The following PSCA variants were observed in gnomAD, a reference collection of about 807,000 sequenced individuals.
PSCA encodes the protein prostate stem cell antigen.
In PSCA, 7 loss-of-function variants were observed where a neutral mutation model predicts 7.9. The ratio of observed to expected loss-of-function variants is 0.89; its 90% CI spans 0.51 to 1.67. The LOEUF (loss-of-function observed/expected upper bound fraction) is 1.67, where lower values mean the gene tolerates loss of function less well. Among genes scored for constraint, PSCA ranks in the 40% most tolerant of loss-of-function variants. The probability of loss-of-function intolerance (pLI) is 0.00; values close to 1 mark genes in which losing one functional copy is unlikely to be tolerated. For missense variants in PSCA, 151 were observed against 147.9 expected (o/e 1.02, Z -0.11); for synonymous variants, 61 against 68.3 (o/e 0.89, Z 0.53).
rs1217127577 is a variant in PSCA at position 142,673,791 on chromosome 8, G to A, written n.261+3223G>A. On this transcript the variant is annotated intron_variant and non_coding_transcript_variant, in intron 1 of 1. Transcript: ENST00000505305. The surrounding 1 kb of genome is among the most constrained non-coding windows in gnomAD (Gnocchi z 4.6). The stretch of plus-strand genomic sequence containing the variant: ...TAGAGCCATCCATCAGTCATTAGAC[G>A]TGCAAAAACCTGAAACGACATCTCA... 3.9e-5 allele frequency among the ~76,000 whole-genome samples: 6 copies of A among 152,338 alleles called. No homozygotes were observed. Among genetic ancestry groups the A allele is most frequent in the Admixed American group, 6.5e-5 (1 of 15,302 alleles).
At position 142,680,531 on chromosome 8, in the gene PSCA, C is replaced by T; in HGVS notation, c.-8C>T. On this transcript the variant is annotated 5_prime_UTR_variant, in exon 1 of 3. Transcript: ENST00000301258. ...GTGACCACGAAGGCTGTGCTGCTTG[C>T]CCTGTTGATGGCAGGCTTGGCCCTG... 2 of 1,554,154 alleles carry T rather than the reference C, an allele frequency of 1.3e-6. No individual in the cohort carries two copies. Among genetic ancestry groups the T allele is most frequent in the East Asian group, 2.4e-5 (1 of 41,238 alleles).
In PSCA at chr8:142,673,165, C is replaced by T. The variant is rs1484265969; in HGVS notation, n.261+2597C>T. 6.6e-6 allele frequency among the ~76,000 whole-genome samples: 1 copy of T among 152,232 alleles called. No homozygotes were observed. Among genetic ancestry groups the T allele is most frequent in the Non-Finnish European group, 1.5e-5 (1 of 68,034 alleles). On this transcript the variant is annotated intron_variant and non_coding_transcript_variant, in intron 1 of 1. Coordinates refer to the PSCA transcript ENST00000505305. This position sits in a 1 kb window ranked among gnomAD's most constrained non-coding sequence, Gnocchi z 4.6. ...AGAAAATGATTTGGAGCCTGCTTTT[C>T]ATTAAAAGGAAAACCTTACTGAGGA... is the stretch of plus-strand genomic sequence containing the variant.
upstream of PSCA, chr8:142,680,273 T>C (rs587594532): frequency 2.5e-5 from 13 of 528,784 alleles, no homozygotes; most frequent in Non-Finnish European, 4.1e-5. Context: ...GTTTCAGCCC[T>C]CAGCCCGGGG....
At chr8:142,675,972 T>G (rs1847396310), upstream of PSCA, 1 of 152,250 alleles carries the variant, frequency 6.6e-6, no homozygotes, top group Admixed American at 6.5e-5. Flanking sequence ...CACAGGGATG[T>G]GTGTTCCAGC....
At chr8:142,672,793 C>G (rs1406286001) in intron 1 of PSCA, among the ~76,000 whole-genome samples, 1 of 152,164 alleles carries the variant, frequency 6.6e-6, no homozygotes, top group Non-Finnish European at 1.5e-5. Flanking sequence ...TGCAGCAGAC[C>G]CCAGCAGATT....
At chr8:142,671,221 G>A (rs1302750628) in intron 1 of PSCA, among the ~76,000 whole-genome samples, 4 of 152,216 alleles carry the variant, frequency 2.6e-5, no homozygotes, top group Admixed American at 2.6e-4. Flanking sequence ...CCAAGTGAGA[G>A]GACAATGGGA....
At chr8:142,671,941 G>T (rs914289624) in intron 1 of PSCA, among the ~76,000 whole-genome samples, 1 of 151,948 alleles carries the variant, frequency 6.6e-6, no homozygotes, top group Non-Finnish European at 1.5e-5. Context: ...CCATTCTTTG[G>T]CTCTTTTTGT....
upstream of PSCA, among the ~76,000 whole-genome samples, chr8:142,678,476 A>C (rs1156748331): frequency 3.3e-5 from 5 of 152,242 alleles, no homozygotes; most frequent in Non-Finnish European, 7.3e-5. Context: ...AGCAGCGGCC[A>C]CAAGTCCCCC....
chr8:142,676,735 C>T (rs1457271411), upstream of PSCA: 2 of 152,224 alleles, frequency 1.3e-5, no homozygotes, highest in Non-Finnish European at 2.9e-5. Context: ...TGGCAAGATA[C>T]AGCCGATTTA....
At chr8:142,677,583 G>A (rs997664593), upstream of PSCA, among the ~76,000 whole-genome samples, 3 of 152,230 alleles carry the variant, frequency 2.0e-5, no homozygotes, top group South Asian at 2.1e-4. Flanking sequence ...CGTCTTGTGC[G>A]GGAGTGGCCA....
At position 142,682,006 on chromosome 8, in the gene PSCA, G is replaced by A. The variant is rs1554638425; in HGVS notation, c.219G>A (p.Lys73=). 1 of 1,613,004 alleles carries A rather than the reference G, an allele frequency of 6.2e-7. No homozygotes were observed. The highest frequency in any genetic ancestry group is 8.5e-7 in the Non-Finnish European group (1 of 1,179,642). The stretch of plus-strand genomic sequence containing the variant: ...CACAGGACTACTACGTGGGCAAGAA[G>A]AACATCACGTGCTGTGACACCGACT... The part of the protein sequence containing the change: ...DDSQDYYVGK[K]NITCCDTDLC... Residue 73 remains lysine (K), a synonymous_variant, in exon 3 of 3, where the codon AAG becomes AAA. Transcript: ENST00000301258.
At chr8:142,675,049 C>A (rs1847383559) in intron 1 of PSCA, among the ~76,000 whole-genome samples, 1 of 152,260 alleles carries the variant, frequency 6.6e-6, no homozygotes, top group South Asian at 2.1e-4. Flanking sequence ...GTGCCGGAGG[C>A]CTCAGGTTGG....
intron 1 of PSCA, among the ~76,000 whole-genome samples, chr8:142,672,654 C>T (rs1554637482): frequency 6.6e-6 from 1 of 152,156 alleles, no homozygotes; most frequent in Non-Finnish European, 1.5e-5. Context: ...CATTGTCTCA[C>T]ACCAAGAAGA....
chr8:142,673,988 A>T lies in PSCA; in HGVS notation n.261+3420A>T, dbSNP rs1438161453. Among the ~76,000 whole-genome samples, 1 of 150,014 alleles carries T rather than the reference A, an allele frequency of 6.7e-6. No individual in the cohort carries two copies. Among genetic ancestry groups the T allele is most frequent in the Admixed American group, 6.6e-5 (1 of 15,120 alleles). On this transcript the variant is annotated intron_variant and non_coding_transcript_variant, in intron 1 of 1. Coordinates refer to the PSCA transcript ENST00000505305. The surrounding 1 kb of genome is among the most constrained non-coding windows in gnomAD (Gnocchi z 4.6). Reference sequence around the variant, plus strand: ...AACGGCTGGGAATCGTTTCAGTCTAACCTCAGCAGAGCGCAGATCACCCAT... The same window carrying T: ...AACGGCTGGGAATCGTTTCAGTCTATCCTCAGCAGAGCGCAGATCACCCAT...
rs1847456918 is a variant in PSCA at position 142,681,042 on chromosome 8, TG to T, written c.26-282del. 6 of 486,612 alleles carry T rather than the reference TG, an allele frequency of 1.2e-5. No individual in the cohort carries two copies. In the East Asian group the frequency reaches 2.2e-4, roughly 18 times the overall value. The allele number at this position is 486,612 out of a possible 1,614,324, so 30.1% of individuals were successfully genotyped here. On this transcript the variant is annotated intron_variant, in intron 1 of 2. Transcript: ENST00000301258. Reference sequence around the variant, plus strand: ...TCCCAGGGAGCTGCTCTGCTTGAGGTGGGACCCTCCCGACCCAGGGTCCCGG... The same window carrying T: ...TCCCAGGGAGCTGCTCTGCTTGAGGTGGACCCTCCCGACCCAGGGTCCCGG...
At position 142,682,172 on chromosome 8, in the gene PSCA, G is replaced by A. The variant is rs781787011; in HGVS notation, c.*40G>A. Reference sequence around the variant, plus strand: ...CGCTGCAGCCCACACTGGGTGTGGTGCCCCAGGCCTCTGTGCCACTCCTCA... The same window carrying A: ...CGCTGCAGCCCACACTGGGTGTGGTACCCCAGGCCTCTGTGCCACTCCTCA... On this transcript the variant is annotated 3_prime_UTR_variant, in exon 3 of 3. Transcript: ENST00000301258. The A allele has an allele frequency of 4.5e-6, 7 of 1,564,782 alleles. No individual in the cohort carries two copies. In the South Asian group the frequency reaches 5.7e-5, roughly 13 times the overall value.
At position 142,680,505 on chromosome 8, in the gene PSCA, A is replaced by C; in HGVS notation, c.-34A>C. The C allele has an allele frequency of 1.9e-6, 3 of 1,552,592 alleles. No individual in the cohort carries two copies. The highest frequency in any genetic ancestry group is 1.4e-5 in the African/African-American group (1 of 73,236). ...GAGGCCCTCTCCACCACAGCCCACC[A>C]GTGACCACGAAGGCTGTGCTGCTTG... is the stretch of plus-strand genomic sequence containing the variant. On this transcript the variant is annotated 5_prime_UTR_variant, in exon 1 of 3. Coordinates refer to ENST00000301258, the MANE Select transcript of PSCA (RefSeq NM_005672.5).
At chr8:142,670,976 A>G (rs1847313672) in intron 1 of PSCA, among the ~76,000 whole-genome samples, 1 of 152,224 alleles carries the variant, frequency 6.6e-6, no homozygotes, top group East Asian at 1.9e-4. Context: ...CGTATACGTT[A>G]AGTCACTTCT....
At chr8:142,675,600 T>C (rs1554637758), upstream of PSCA, among the ~76,000 whole-genome samples, 1 of 152,200 alleles carries the variant, frequency 6.6e-6, no homozygotes, top group Non-Finnish European at 1.5e-5. Flanking sequence ...CTCACTTGCA[T>C]TTACACACAT....
Sources: gnomAD v4.1 joint callset for allele counts (sites outside exome capture counted in the v4.1 genomes callset) on GRCh38, gnomAD v4.1.1 for gene constraint, Gnocchi (gnomAD v3.1) non-coding constraint, MANE v1.5 for transcripts, NCBI Gene and HGNC (gene_info 2026-07-23, HGNC 2026-07-21) for gene names.